The following PPP1R9A variants were observed in gnomAD, a reference collection of about 807,000 sequenced individuals.
The protein encoded by PPP1R9A is neurabin-1.
Under a neutral mutation model 141.9 loss-of-function variants are expected in PPP1R9A, and 59 were observed. That is an observed-to-expected ratio of 0.42 (90% CI 0.34 to 0.52). The LOEUF is 0.52. Among genes scored for constraint, PPP1R9A ranks in the 20% least tolerant of loss-of-function variants. PPP1R9A has a pLI of 0.10. For missense variants in PPP1R9A, 1,444 were observed against 1,611.9 expected (o/e 0.90, Z 1.78); for synonymous variants, 500 against 569.7 (o/e 0.88, Z 1.74).
intron 3 of PPP1R9A, among the ~76,000 whole-genome samples, chr7:95,118,572 G>A (rs1394701750): frequency 6.6e-6 from 1 of 152,130 alleles, no homozygotes; most frequent in African/African-American, 2.4e-5. Context: ...TAAAACATAT[G>A]TAGAATAAAG....
intron 2 of PPP1R9A, among the ~76,000 whole-genome samples, chr7:95,054,459 C>T (rs1300029197): frequency 2.0e-5 from 3 of 151,996 alleles, no homozygotes; most frequent in Non-Finnish European, 4.4e-5. Flanking sequence ...CATTACCGTA[C>T]ATTGTCTGGA....
chr7:95,278,187 T>A (rs1428111497), intron 16 of PPP1R9A, among the ~76,000 whole-genome samples: 1 of 152,208 alleles, frequency 6.6e-6, no homozygotes, highest in South Asian at 2.1e-4. Context: ...TGGATTGGGC[T>A]GACACTGCAT....
chr7:95,278,512 A>G (rs887935568), intron 16 of PPP1R9A, among the ~76,000 whole-genome samples: 1 of 152,120 alleles, frequency 6.6e-6, no homozygotes, highest in Admixed American at 6.6e-5. Flanking sequence ...GATAGTGTTG[A>G]TCTGTAGGAT....
chr7:95,165,975 C>T (rs953497108), intron 5 of PPP1R9A, among the ~76,000 whole-genome samples: 4 of 151,832 alleles, frequency 2.6e-5, no homozygotes, highest in African/African-American at 9.7e-5. Context: ...TAGTAAAACC[C>T]CGTCTCTACT....
At chr7:95,094,282 G>T (rs1273848030) in intron 2 of PPP1R9A, among the ~76,000 whole-genome samples, 1 of 152,138 alleles carries the variant, frequency 6.6e-6, no homozygotes, top group Non-Finnish European at 1.5e-5. Flanking sequence ...AGAAACTTAG[G>T]AGGACTTTTT....
intron 2 of PPP1R9A, among the ~76,000 whole-genome samples, chr7:95,108,675 A>G (rs866926337): frequency 1.1e-4 from 17 of 152,186 alleles, no homozygotes; most frequent in Middle Eastern, 6.8e-3. Context: ...TTACTGTTTT[A>G]GGTTTGTTTT....
intron 4 of PPP1R9A, among the ~76,000 whole-genome samples, chr7:95,149,016 G>T (rs963584386): frequency 6.7e-6 from 1 of 149,656 alleles, no homozygotes; most frequent in Non-Finnish European, 1.5e-5. Flanking sequence ...TTAACAAATC[G>T]AGTCCAACAA....
chr7:95,296,162 C>G lies in PPP1R9A; in HGVS notation c.*5859C>G, dbSNP rs897476447. The G allele has an allele frequency of 6.6e-6, 1 of 152,592 alleles. No individual in the cohort carries two copies. Among genetic ancestry groups the G allele is most frequent in the African/African-American group, 2.4e-5 (1 of 41,456 alleles). 9.5% of individuals were successfully genotyped at this position (152,592 alleles called of 1,614,324 possible). ...CATGGAAGAGACAATAGTGCCACGT[C>G]TGAATTGTTCTCTTGTGCTTGGTTA... On this transcript the variant is annotated 3_prime_UTR_variant, in exon 20 of 20. Coordinates refer to ENST00000433360, the MANE Select transcript of PPP1R9A (RefSeq NM_001166160.2).
At chr7:94,995,131 T>A (rs930178668) in intron 2 of PPP1R9A, among the ~76,000 whole-genome samples, 26 of 152,170 alleles carry the variant, frequency 1.7e-4, no homozygotes, top group African/African-American at 5.5e-4. Context: ...AGTTGATATT[T>A]TTTTTCATTA....
At chr7:95,157,498 C>G (rs1829819643) in intron 4 of PPP1R9A, among the ~76,000 whole-genome samples, 1 of 152,122 alleles carries the variant, frequency 6.6e-6, no homozygotes, top group African/African-American at 2.4e-5. Context: ...GAGTTCCCAC[C>G]CCACCTCAGA....
At chr7:95,118,790 G>A (rs990422869) in intron 3 of PPP1R9A, among the ~76,000 whole-genome samples, 4 of 146,228 alleles carry the variant, frequency 2.7e-5, no homozygotes, top group Admixed American at 1.4e-4. Flanking sequence ...GGGCAACATG[G>A]TGAAACCCTG....
At chr7:95,010,970 T>C (rs1309959547) in intron 2 of PPP1R9A, among the ~76,000 whole-genome samples, 3 of 152,130 alleles carry the variant, frequency 2.0e-5, no homozygotes, top group South Asian at 4.1e-4. Context: ...AAATGATAAA[T>C]TGGAGTCTGC....
intron 2 of PPP1R9A, among the ~76,000 whole-genome samples, chr7:95,080,725 C>A (rs573131849): frequency 6.6e-6 from 1 of 152,072 alleles, no homozygotes; most frequent in Non-Finnish European, 1.5e-5. Flanking sequence ...CTCATGTGTC[C>A]GCTGTTTCTC....
intron 4 of PPP1R9A, among the ~76,000 whole-genome samples, chr7:95,128,027 T>A (rs1253650573): frequency 2.6e-5 from 4 of 152,206 alleles, no homozygotes; most frequent in African/African-American, 9.6e-5. Context: ...TTCTTTTGGA[T>A]ATCTACCCAG....
intron 2 of PPP1R9A, among the ~76,000 whole-genome samples, chr7:94,963,120 A>G (rs1563053628): frequency 6.6e-6 from 1 of 152,130 alleles, no homozygotes; most frequent in Non-Finnish European, 1.5e-5. Flanking sequence ...CATAAAATAT[A>G]AACAAACAAT....
chr7:95,028,346 G>C (rs987564121), intron 2 of PPP1R9A, among the ~76,000 whole-genome samples: 1 of 151,946 alleles, frequency 6.6e-6, no homozygotes, highest in Non-Finnish European at 1.5e-5. Context: ...TTCTAATCAG[G>C]GGTATAAATG....
At chr7:95,022,258 C>G (rs1584315278) in intron 2 of PPP1R9A, among the ~76,000 whole-genome samples, 1 of 152,030 alleles carries the variant, frequency 6.6e-6, no homozygotes, top group African/African-American at 2.4e-5. Flanking sequence ...TCACTCATGA[C>G]TTGCCTCTCT....
At chr7:95,083,089 G>A (rs186104999) in intron 2 of PPP1R9A, among the ~76,000 whole-genome samples, 5 of 151,932 alleles carry the variant, frequency 3.3e-5, no homozygotes, top group African/African-American at 4.8e-5. Flanking sequence ...AAGGTTCATG[G>A]CTGTGGTCCC....
At chr7:95,195,549 G>T (rs140030370) in intron 5 of PPP1R9A, among the ~76,000 whole-genome samples, 1 of 151,162 alleles carries the variant, frequency 6.6e-6, no homozygotes, top group East Asian at 2.0e-4. Flanking sequence ...AAGTGCTGGG[G>T]TTACAGGCAT....
Sources: gnomAD v4.1 joint callset for allele counts (sites outside exome capture counted in the v4.1 genomes callset) on GRCh38, gnomAD v4.1.1 for gene constraint, MANE v1.5 for transcripts, NCBI Gene and HGNC (gene_info 2026-07-23, HGNC 2026-07-21) for gene names.